The following PALLD variants were observed in gnomAD, a reference collection of about 807,000 sequenced individuals.
The protein encoded by PALLD is palladin.
PALLD carries 61 observed loss-of-function variants against 123.5 expected under a neutral mutation model. That is an observed-to-expected ratio of 0.49 (90% CI 0.40 to 0.61). PALLD has a LOEUF of 0.61. Ranked by LOEUF, PALLD falls within the 20% of genes least tolerant of loss-of-function variation. PALLD has a pLI of 0.00. For synonymous variants in PALLD, 465 were observed against 496.4 expected, an observed-to-expected ratio of 0.94 and a Z score of 0.84; for missense variants, 1,273 against 1,377.0, an observed-to-expected ratio of 0.92 and a Z score of 1.20.
At chr4:168,499,358 G>C (rs1467877632) in intron 1 of PALLD, among the ~76,000 whole-genome samples, 1 of 89,548 alleles carries the variant, frequency 1.1e-5, no homozygotes, top group African/African-American at 4.6e-5. Flanking sequence ...GGGAGGGAGG[G>C]GGGAGGGAGG....
At chr4:168,819,438 A>T (rs1240007517) in intron 10 of PALLD, among the ~76,000 whole-genome samples, 1 of 152,046 alleles carries the variant, frequency 6.6e-6, no homozygotes, top group Non-Finnish European at 1.5e-5. Flanking sequence ...AAACACCGTC[A>T]TCAGCAGCAC....
At chr4:168,864,925 C>A (rs1750045585) in intron 10 of PALLD, among the ~76,000 whole-genome samples, 1 of 152,206 alleles carries the variant, frequency 6.6e-6, no homozygotes. Context: ...CATATATAAC[C>A]ACATTGGAAA....
chr4:168,538,799 A>T (rs1329112247), intron 2 of PALLD, among the ~76,000 whole-genome samples: 2 of 152,358 alleles, frequency 1.3e-5, no homozygotes, highest in East Asian at 3.9e-4. Flanking sequence ...TTAAAAGATC[A>T]GAAAGGCTTT....
intron 2 of PALLD, among the ~76,000 whole-genome samples, chr4:168,554,372 G>T (rs1580285989): frequency 6.6e-6 from 1 of 152,112 alleles, no homozygotes; most frequent in African/African-American, 2.4e-5. Context: ...GACCGCCAAT[G>T]ATTAGTGGGG....
intron 2 of PALLD, among the ~76,000 whole-genome samples, chr4:168,521,382 T>A (rs181433507): frequency 2.0e-5 from 3 of 152,282 alleles, no homozygotes; most frequent in African/African-American, 7.2e-5. Context: ...GTGCCTCAGT[T>A]TCTTTGTTGG....
intron 10 of PALLD, among the ~76,000 whole-genome samples, chr4:168,718,910 T>A (rs1447832374): frequency 2.1e-5 from 3 of 146,062 alleles, no homozygotes; most frequent in Non-Finnish European, 3.0e-5. Context: ...CCAATCTAAT[T>A]TTTTTTTTTT....
At chr4:168,748,147 A>G (rs1301270919) in intron 10 of PALLD, among the ~76,000 whole-genome samples, 2 of 152,224 alleles carry the variant, frequency 1.3e-5, no homozygotes, top group Non-Finnish European at 2.9e-5. Flanking sequence ...CTTTTGCCCT[A>G]GAGATATAAA....
chr4:168,619,547 G>A (rs778333143), intron 2 of PALLD, among the ~76,000 whole-genome samples: 1 of 152,218 alleles, frequency 6.6e-6, no homozygotes, highest in Non-Finnish European at 1.5e-5. Flanking sequence ...TCTGGAAAGA[G>A]TTGTGTGATT....
At chr4:168,672,981 C>G (rs1780446798) in intron 3 of PALLD, among the ~76,000 whole-genome samples, 1 of 152,140 alleles carries the variant, frequency 6.6e-6, no homozygotes, top group African/African-American at 2.4e-5. Flanking sequence ...AGCATAAAAT[C>G]CAAATAAACT....
chr4:168,903,803 A>G lies in PALLD; in HGVS notation c.2519A>G (p.His840Arg). 1 of 1,610,868 alleles carries G rather than the reference A, an allele frequency of 6.2e-7. No individual in the cohort carries two copies. The highest frequency in any genetic ancestry group is 8.5e-7 in the Non-Finnish European group (1 of 1,177,058). The change falls in exon 15 of 22, where the codon CAC (histidine) becomes CGC (arginine). Residue 840 changes from histidine to arginine, a missense_variant. By Grantham distance (29) the His-to-Arg change is conservative. Around this residue, in one of 2 missense-constraint regions of PALLD, gnomAD observed 329 missense variants for 422.5 expected, o/e 0.78. Transcript: ENST00000505667. Reference protein sequence around the residue: ...DGKQISPKSDHYTIQRDLDGT... With the variant: ...DGKQISPKSDRYTIQRDLDGT... ...AAGCAGATCTCTCCAAAGAGTGATC[A>G]CTACACCATTCAAAGAGATCTCGAT...
chr4:168,777,233 A>C (rs780312942), intron 10 of PALLD, among the ~76,000 whole-genome samples: 4 of 152,158 alleles, frequency 2.6e-5, no homozygotes, highest in Non-Finnish European at 5.9e-5. Context: ...GACTAAGCCT[A>C]CTCAGTGAGT....
intron 14 of PALLD, 47 bp downstream of exon 14, chr4:168,898,761 G>A: frequency 7.8e-7 from 1 of 1,280,814 alleles, no homozygotes; most frequent in Non-Finnish European, 1.1e-6. Context: ...TCTGAGGAAA[G>A]GTTTAGCTTC....
chr4:168,891,387 C>G (rs181825997), intron 11 of PALLD, among the ~76,000 whole-genome samples: 90 of 152,238 alleles, frequency 5.9e-4, no homozygotes, highest in Admixed American at 1.2e-3. Flanking sequence ...TTTCAAACTC[C>G]AGAGCTCAGG....
chr4:168,559,800 C>T (rs922981284), intron 2 of PALLD, among the ~76,000 whole-genome samples: 4 of 151,628 alleles, frequency 2.6e-5, no homozygotes, highest in African/African-American at 7.3e-5. Context: ...CCTGTAGTAC[C>T]GGCTACCCAG....
intron 2 of PALLD, among the ~76,000 whole-genome samples, chr4:168,580,147 A>G (rs576362330): frequency 1.3e-5 from 2 of 151,816 alleles, no homozygotes; most frequent in Admixed American, 1.3e-4. Flanking sequence ...TGCCTGGCTT[A>G]TTTCACTTAA....
chr4:168,804,010 T>C (rs1875296), intron 10 of PALLD, among the ~76,000 whole-genome samples: 25,398 of 152,134 alleles, frequency 0.17, 2,248 homozygotes, highest in East Asian at 0.22. Flanking sequence ...TCTTTTCCAT[T>C]TACAGTGTAG....
chr4:168,631,988 A>C, intron 2 of PALLD: 10 of 767,922 alleles, frequency 1.3e-5, no homozygotes, highest in East Asian at 1.3e-4. Flanking sequence ...ACTCGTGCGA[A>C]GAGTACTGTT....
rs1554088403 is a variant in PALLD, at chr4:168,816,413, A to ATT, written c.1965-74502_1965-74501dup. Among the ~76,000 whole-genome samples the ATT allele has an allele frequency of 9.7e-3, 1,319 of 135,978 alleles. 9 individuals carry two copies. The highest frequency in any genetic ancestry group is 0.033 in the Middle Eastern group (9 of 272). The allele number at this position is 135,978 out of a possible 152,430, so 89.2% of individuals were successfully genotyped here. ...TGTATATATATATATATATATATAT[A>ATT]TTTTTTTTAAGTATTAGATTGGAGT... is the stretch of plus-strand genomic sequence containing the variant. On this transcript the variant is annotated intron_variant, in intron 10 of 21. Coordinates refer to ENST00000505667, the MANE Select transcript of PALLD (RefSeq NM_001166108.2).
intron 10 of PALLD, among the ~76,000 whole-genome samples, chr4:168,757,601 T>C (rs1732066230): frequency 6.6e-6 from 1 of 152,252 alleles, no homozygotes; most frequent in Non-Finnish European, 1.5e-5. Flanking sequence ...CTCAGGACAG[T>C]TCCATGTCCA....
Sources: gnomAD v4.1 joint callset for allele counts (sites outside exome capture counted in the v4.1 genomes callset) on GRCh38, gnomAD v4.1.1 for gene constraint, gnomAD v4.1.1 regional missense constraint, MANE v1.5 for transcripts, NCBI Gene and HGNC (gene_info 2026-07-23, HGNC 2026-07-21) for gene names.